Variants in PCDH7 observed in about 807,000 individuals in gnomAD.
PCDH7 encodes the protein protocadherin 7, also known as protocadherin-7.
In PCDH7, 17 loss-of-function variants were observed where a neutral mutation model predicts 58.9. That is an observed-to-expected ratio of 0.29 (90% confidence interval 0.20 to 0.43). The LOEUF (loss-of-function observed/expected upper bound fraction) is 0.43, where lower values mean the gene tolerates loss of function less well. Among genes scored for constraint, PCDH7 ranks in the 20% least tolerant of loss-of-function variants. The probability of loss-of-function intolerance (pLI) is 1.00; values close to 1 mark genes in which losing one functional copy is unlikely to be tolerated. For synonymous variants in PCDH7, 664 were observed against 616.4 expected (o/e 1.08, Z -1.14); for missense variants, 1,274 against 1,441.0 (o/e 0.88, Z 1.88).
intron 3 of PCDH7, among the ~76,000 whole-genome samples, chr4:31,094,196 GA>G (rs1283973281): frequency 2.0e-5 from 3 of 152,152 alleles, no homozygotes; most frequent in Non-Finnish European, 4.4e-5. Flanking sequence ...CCACCCTCTT[GA>G]AATCTCTCAG....
intron 1 of PCDH7, among the ~76,000 whole-genome samples, chr4:30,875,559 C>G (rs189338585): frequency 2.8e-4 from 43 of 152,120 alleles, no homozygotes; most frequent in Non-Finnish European, 5.3e-4. Context: ...AACAAGAATC[C>G]TAAAATTTTC....
At chr4:30,765,639 C>A (rs1262068571) in intron 1 of PCDH7, among the ~76,000 whole-genome samples, 2 of 152,122 alleles carry the variant, frequency 1.3e-5, no homozygotes, top group Non-Finnish European at 2.9e-5. Context: ...TCTAGGCTTA[C>A]ATTTCAGTGT....
chr4:31,047,729 G>A (rs1036230827), intron 3 of PCDH7, among the ~76,000 whole-genome samples: 56 of 152,008 alleles, frequency 3.7e-4, no homozygotes, highest in Non-Finnish European at 6.0e-4. Context: ...TAATTAGCTC[G>A]CTCTCATAAT....
intron 3 of PCDH7, among the ~76,000 whole-genome samples, chr4:31,114,985 T>C (rs1363847363): frequency 6.6e-6 from 1 of 152,182 alleles, no homozygotes; most frequent in Admixed American, 6.5e-5. Context: ...TCTATTTATA[T>C]TCATTATTGC....
chr4:30,886,910 G>A (rs1207174239), intron 1 of PCDH7, among the ~76,000 whole-genome samples: 18 of 144,586 alleles, frequency 1.2e-4, no homozygotes, highest in African/African-American at 4.7e-4. Context: ...ACTCATAGGT[G>A]GGAATTGAAC....
chr4:30,932,805 G>A (rs1744805097), intron 2 of PCDH7, among the ~76,000 whole-genome samples: 1 of 152,094 alleles, frequency 6.6e-6, no homozygotes, highest in African/African-American at 2.4e-5. Flanking sequence ...AGCCAAGCAT[G>A]ATAACCAAGT....
rs116479014 is a variant in PCDH7 at position 30,801,470 on chromosome 4, G to A, written c.70+76874G>A. 6.5e-3 allele frequency among the ~76,000 whole-genome samples: 983 copies of A among 151,964 alleles called. 12 individuals carry two copies. The highest frequency in any genetic ancestry group is 0.022 in the African/African-American group (896 of 41,436). On this transcript the variant is annotated intron_variant, in intron 1 of 3. Coordinates refer to the PCDH7 transcript ENST00000509759. ...AATCAGGGGAAAATTGTGATAGAAA[G>A]GAAAGAAGGAGTGTTTCAGTATACA...
chr4:30,896,632 T>C (rs1739421651), intron 1 of PCDH7, among the ~76,000 whole-genome samples: 1 of 152,112 alleles, frequency 6.6e-6, no homozygotes, highest in Non-Finnish European at 1.5e-5. Flanking sequence ...TTCAGACTAA[T>C]TGTATGGAAA....
chr4:30,933,932 T>C (rs1048934257), intron 2 of PCDH7, among the ~76,000 whole-genome samples: 6 of 152,204 alleles, frequency 3.9e-5, no homozygotes, highest in African/African-American at 1.4e-4. Flanking sequence ...GGTGAAGCAA[T>C]CTAACCATAC....
At chr4:31,004,801 T>C (rs1752635806) in intron 3 of PCDH7, among the ~76,000 whole-genome samples, 1 of 152,106 alleles carries the variant, frequency 6.6e-6, no homozygotes, top group South Asian at 2.1e-4. Flanking sequence ...ACAATATTAT[T>C]TCCTTTTTAA....
chr4:31,093,134 C>G (rs1032771885), intron 3 of PCDH7, among the ~76,000 whole-genome samples: 1 of 152,038 alleles, frequency 6.6e-6, no homozygotes, highest in Non-Finnish European at 1.5e-5. Context: ...ATCCTTATTT[C>G]CCTCAGATAT....
intron 3 of PCDH7, among the ~76,000 whole-genome samples, chr4:31,022,784 T>G (rs188233307): frequency 1.7e-4 from 26 of 152,198 alleles, no homozygotes; most frequent in Admixed American, 5.9e-4. Flanking sequence ...CAGAGTTGAG[T>G]CAAACTTGGC....
At chr4:30,896,931 G>A (rs1307398067) in intron 1 of PCDH7, among the ~76,000 whole-genome samples, 1 of 54,292 alleles carries the variant, frequency 1.8e-5, no homozygotes, top group Non-Finnish European at 3.6e-5. Context: ...TTGAGGTGGA[G>A]TCTTGCTCTG....
chr4:30,797,962 CAT>C (rs1474234300), intron 1 of PCDH7, among the ~76,000 whole-genome samples: 2 of 152,114 alleles, frequency 1.3e-5, no homozygotes, highest in Admixed American at 1.3e-4. Flanking sequence ...TGTAACAAAT[CAT>C]GTGAACTTCG....
intron 3 of PCDH7, among the ~76,000 whole-genome samples, chr4:31,116,763 CACTA>C (rs1245860799): frequency 6.6e-6 from 1 of 152,110 alleles, no homozygotes; most frequent in Non-Finnish European, 1.5e-5. Context: ...GTGTATGTAG[CACTA>C]TACCATAAAT....
At chr4:30,772,382 A>G (rs1721528152) in intron 1 of PCDH7, among the ~76,000 whole-genome samples, 1 of 152,206 alleles carries the variant, frequency 6.6e-6, no homozygotes, top group South Asian at 2.1e-4. Context: ...CATCATGTGT[A>G]TTCTGTCTCC....
chr4:30,786,620 G>T (rs183554901), intron 1 of PCDH7: 20 of 202,116 alleles, frequency 9.9e-5, no homozygotes, highest in Non-Finnish European at 1.5e-4. Flanking sequence ...CTTAAAGAAG[G>T]AAAGAATACT....
intron 3 of PCDH7, among the ~76,000 whole-genome samples, chr4:31,002,602 G>T (rs530427495): frequency 1.3e-5 from 2 of 152,140 alleles, no homozygotes; most frequent in Admixed American, 6.5e-5. Context: ...TGCATTACTC[G>T]AGCAAATAAC....
Position 30,781,342 on chromosome 4 carries a change from G to A in PCDH7, c.70+56746G>A, listed in dbSNP as rs1461666678. On this transcript the variant is annotated intron_variant, in intron 1 of 3. Transcript: ENST00000509759. ...TTTTTAGCACAGACAGAATTTCACC[G>A]TGTTAGCCAGGATGTTCTCGATCTC... Among the ~76,000 whole-genome samples the A allele has an allele frequency of 6.0e-5, 9 of 151,202 alleles. No individual in the cohort carries two copies. In the East Asian group the frequency reaches 1.2e-3, roughly 20 times the overall value.
Sources: gnomAD v4.1 joint callset for allele counts (sites outside exome capture counted in the v4.1 genomes callset) on GRCh38, gnomAD v4.1.1 for gene constraint, MANE v1.5 for transcripts, NCBI Gene and HGNC (gene_info 2026-07-23, HGNC 2026-07-21) for gene names.